Variants in BRD10 observed in about 807,000 individuals in gnomAD.
BRD10 encodes bromodomain containing 10.
At chr9:5,915,321 T>C in the BRD10 span, among the ~76,000 whole-genome samples, 2,409 of 152,278 alleles carry the variant, frequency 0.016, 73 homozygotes, top group South Asian at 0.12. Context: ...TGGCAGCTAC[T>C]ATTTAAGTAT....
the BRD10 span, among the ~76,000 whole-genome samples, chr9:5,904,710 C>G: frequency 6.6e-6 from 1 of 151,894 alleles, no homozygotes; most frequent in African/African-American, 2.4e-5. Context: ...AAGTGATCCA[C>G]CCACTTGGCC....
At chr9:5,951,012 C>A in the BRD10 span, among the ~76,000 whole-genome samples, 2 of 148,002 alleles carry the variant, frequency 1.4e-5, no homozygotes, top group Non-Finnish European at 3.0e-5. Context: ...GATGCAGAAC[C>A]TACAGATACA....
the BRD10 span, chr9:5,919,985 G>C: frequency 6.2e-7 from 1 of 1,613,862 alleles, no homozygotes; most frequent in Non-Finnish European, 8.5e-7. Context: ...AATTACTGAA[G>C]TCAGTGATAC....
the BRD10 span, among the ~76,000 whole-genome samples, chr9:5,896,142 G>C: frequency 6.6e-6 from 1 of 152,188 alleles, no homozygotes; most frequent in Non-Finnish European, 1.5e-5. Context: ...TGTGAATGTT[G>C]GTTCTGCCAC....
At chr9:5,923,096 C>A in the BRD10 span, 1 of 1,613,970 alleles carries the variant, frequency 6.2e-7, no homozygotes, top group Non-Finnish European at 8.5e-7. Flanking sequence ...CTGCACATCA[C>A]TTTCTAGATT....
At chr9:6,006,386 T>A in the BRD10 span, among the ~76,000 whole-genome samples, 1 of 152,216 alleles carries the variant, frequency 6.6e-6, no homozygotes, top group African/African-American at 2.4e-5. Flanking sequence ...ACCAAAAACA[T>A]TGAATTTTTC....
At chr9:5,904,874 T>C in the BRD10 span, among the ~76,000 whole-genome samples, 9 of 151,844 alleles carry the variant, frequency 5.9e-5, no homozygotes, top group South Asian at 2.1e-4. Flanking sequence ...CCTGGGTTCA[T>C]GCCATTCTCC....
chr9:6,007,984 G>A, the BRD10 span: 2 of 1,281,598 alleles, frequency 1.6e-6, no homozygotes, highest in African/African-American at 1.6e-5. Flanking sequence ...GGGTTACATG[G>A]CGCGCGAGGA....
the BRD10 span, among the ~76,000 whole-genome samples, chr9:5,925,651 G>A: frequency 2.6e-5 from 4 of 152,204 alleles, no homozygotes; most frequent in Non-Finnish European, 4.4e-5. Context: ...AATCCTGGGA[G>A]TAATTGTATC....
chr9:5,948,416 T>C, the BRD10 span, among the ~76,000 whole-genome samples: 2 of 152,112 alleles, frequency 1.3e-5, no homozygotes, highest in African/African-American at 4.8e-5. Flanking sequence ...TCATTTTTAT[T>C]AAATGGTAAT....
At chr9:6,001,971 G>A in the BRD10 span, among the ~76,000 whole-genome samples, 1 of 152,116 alleles carries the variant, frequency 6.6e-6, no homozygotes, top group African/African-American at 2.4e-5. Context: ...TCAATTAAGG[G>A]TTCCCTCCCA....
the BRD10 span, among the ~76,000 whole-genome samples, chr9:6,006,989 C>T: frequency 6.6e-6 from 1 of 152,212 alleles, no homozygotes; most frequent in Non-Finnish European, 1.5e-5. Context: ...GTTTCCTTCT[C>T]AGTCTACGCG....
At chr9:5,893,305 AG>A in the BRD10 span, among the ~76,000 whole-genome samples, 1 of 152,158 alleles carries the variant, frequency 6.6e-6, no homozygotes, top group Non-Finnish European at 1.5e-5. Flanking sequence ...TGGCAGGGGC[AG>A]GGGAGGCCCC....
At chr9:5,995,854 C>T in the BRD10 span, among the ~76,000 whole-genome samples, 1 of 152,214 alleles carries the variant, frequency 6.6e-6, no homozygotes, top group East Asian at 1.9e-4. Flanking sequence ...TAGCAAAGAA[C>T]ACGCTAACAA....
chr9:5,893,195 T>C, the BRD10 span, among the ~76,000 whole-genome samples: 1 of 152,222 alleles, frequency 6.6e-6, no homozygotes, highest in Non-Finnish European at 1.5e-5. Flanking sequence ...ATGAGATTAA[T>C]TTCAGCAAAT....
At chr9:5,988,894 A>G in the BRD10 span, among the ~76,000 whole-genome samples, 1 of 152,360 alleles carries the variant, frequency 6.6e-6, no homozygotes, top group Non-Finnish European at 1.5e-5. Context: ...ATACAGAAAC[A>G]TTTGGAAAAA....
chr9:5,948,529 C>T, the BRD10 span, among the ~76,000 whole-genome samples: 31 of 151,770 alleles, frequency 2.0e-4, no homozygotes, highest in African/African-American at 6.3e-4. Context: ...GACCGTATCT[C>T]AGAACTACAT....
the BRD10 span, among the ~76,000 whole-genome samples, chr9:5,942,457 C>A: frequency 1.3e-5 from 2 of 152,094 alleles, no homozygotes; most frequent in African/African-American, 4.8e-5. Context: ...CATTTCATAA[C>A]ATAAACATTC....
the BRD10 span, among the ~76,000 whole-genome samples, chr9:5,930,369 T>TTTTATATATATATATATATATATATATA: frequency 1.2e-3 from 165 of 135,358 alleles, 1 homozygote; most frequent in South Asian, 1.7e-3. Context: ...TATAAGGAGA[T>TTTTATATATATATATATATATATATATA]TATATATATA....
Sources: allele counts gnomAD v4.1 joint callset (sites outside exome capture counted in the v4.1 genomes callset), GRCh38; gene constraint gnomAD v4.1.1; transcripts MANE v1.5; gene names NCBI Gene and HGNC (gene_info 2026-07-23, HGNC 2026-07-21).